The following LANCL3 variants were observed in gnomAD, a reference collection of about 807,000 sequenced individuals.
LANCL3 encodes the protein lanC-like protein 3.
A neutral mutation model predicts 26.5 loss-of-function variants in LANCL3; 19 were observed. That is an observed-to-expected ratio of 0.72 (90% CI 0.50 to 1.05). The LOEUF (loss-of-function observed/expected upper bound fraction) is 1.05. LANCL3 is among the 50% of genes least tolerant of loss of function. LANCL3 has a pLI of 0.00. For synonymous variants in LANCL3, 160 were observed against 166.6 expected (o/e 0.96, Z 0.30); for missense variants, 318 against 362.7 (o/e 0.88, Z 1.00).
chrX:37,632,547 G>C (rs1192514331), intron 1 of LANCL3, among the ~76,000 whole-genome samples: 4 of 111,493 alleles, frequency 3.6e-5, no homozygotes, highest in African/African-American at 6.6e-5. Flanking sequence ...TCTTCCTAGT[G>C]TCGATGGTCT....
Position 37,633,785 on chromosome X carries a change from T to A in LANCL3, c.574-21903T>A, listed in dbSNP as rs1032296238. On this transcript the variant is annotated intron_variant, in intron 1 of 4. Transcript: ENST00000378619. The stretch of plus-strand genomic sequence containing the variant: ...AAATGCTGCTGTCTGATCGTTCCTC[T>A]GGAAGTTTTGTCTCAGAGGCGTACC... Among the ~76,000 whole-genome samples the A allele has an allele frequency of 1.1e-3, 119 of 111,613 alleles. 1 individual carries two copies. The highest frequency in any genetic ancestry group is 3.6e-3 in the African/African-American group (109 of 30,670).
intron 1 of LANCL3, among the ~76,000 whole-genome samples, chrX:37,630,297 T>A (rs1380306970): frequency 8.9e-6 from 1 of 111,954 alleles, no homozygotes; most frequent in Non-Finnish European, 1.9e-5. Context: ...TGTACACTGA[T>A]TTTGTATCTT....
chrX:37,573,819 C>T (rs1332320262), intron 1 of LANCL3, among the ~76,000 whole-genome samples: 1 of 109,177 alleles, frequency 9.2e-6, no homozygotes, highest in Admixed American at 9.7e-5. Context: ...GGCCTTTTTT[C>T]CAGAATGGAA....
intron 1 of LANCL3, among the ~76,000 whole-genome samples, chrX:37,650,429 G>C (rs1926108298): frequency 1.0e-5 from 1 of 98,515 alleles, no homozygotes; most frequent in Admixed American, 1.2e-4. Flanking sequence ...TAGTATGGTA[G>C]GTAGGAAAAC....
intron 1 of LANCL3, among the ~76,000 whole-genome samples, chrX:37,628,544 C>A (rs1162048948): frequency 1.9e-5 from 2 of 103,624 alleles, no homozygotes; most frequent in African/African-American, 7.1e-5. Context: ...TGTGCTGCAC[C>A]CATTAACTCG....
chrX:37,592,572 A>G (rs1924317526), intron 1 of LANCL3, among the ~76,000 whole-genome samples: 1 of 112,231 alleles, frequency 8.9e-6, no homozygotes, highest in African/African-American at 3.2e-5. Flanking sequence ...GCAGGATATT[A>G]TTGAAAGGAC....
intron 1 of LANCL3, among the ~76,000 whole-genome samples, chrX:37,579,121 T>C: frequency 9.0e-6 from 1 of 111,264 alleles, no homozygotes; most frequent in Non-Finnish European, 1.9e-5. Flanking sequence ...CAGCTTGCTT[T>C]CTTGCTTAAT....
intron 1 of LANCL3, among the ~76,000 whole-genome samples, chrX:37,641,103 A>C (rs190176723): frequency 9.0e-6 from 1 of 111,542 alleles, no homozygotes; most frequent in East Asian, 2.8e-4. Flanking sequence ...GGTTAAAATT[A>C]TTAAAAGAAG....
chrX:37,638,715 A>G (rs1315131668), intron 1 of LANCL3, among the ~76,000 whole-genome samples: 1 of 111,678 alleles, frequency 9.0e-6, no homozygotes, highest in African/African-American at 3.3e-5. Flanking sequence ...CATTTCATAC[A>G]TCTATTAACC....
chrX:37,644,891 T>A (rs1925950366), intron 1 of LANCL3, among the ~76,000 whole-genome samples: 1 of 112,094 alleles, frequency 8.9e-6, no homozygotes, highest in Admixed American at 9.5e-5. Flanking sequence ...CAGTGTCGGG[T>A]GTGGACAGGG....
At chrX:37,590,223 G>T (rs113030484) in intron 1 of LANCL3, among the ~76,000 whole-genome samples, 2,083 of 112,227 alleles carry the variant, frequency 0.019, 66 homozygotes, top group African/African-American at 0.064. Context: ...TTAAGTTCTC[G>T]TCTTTGTTTC....
intron 1 of LANCL3, among the ~76,000 whole-genome samples, chrX:37,589,398 G>T (rs1602097223): frequency 9.0e-6 from 1 of 111,166 alleles, no homozygotes; most frequent in African/African-American, 3.3e-5. Context: ...TACCTCATAG[G>T]TGTGCTAGGA....
intron 1 of LANCL3, among the ~76,000 whole-genome samples, chrX:37,610,798 C>T (rs990675936): frequency 1.8e-5 from 2 of 112,451 alleles, no homozygotes; most frequent in African/African-American, 6.5e-5. Context: ...GAGAGATTCA[C>T]CAAGATTAGA....
chrX:37,589,999 G>T (rs1227098534), intron 1 of LANCL3, among the ~76,000 whole-genome samples: 2 of 112,527 alleles, frequency 1.8e-5, no homozygotes, highest in Non-Finnish European at 1.9e-5. Flanking sequence ...CCAGGGAAAG[G>T]ACTCTTTTCT....
intron 1 of LANCL3, among the ~76,000 whole-genome samples, chrX:37,600,040 C>A (rs987481018): frequency 9.8e-5 from 11 of 111,699 alleles, no homozygotes; most frequent in Non-Finnish European, 1.9e-4. Context: ...TTCCCAGAAA[C>A]AAATATTGTT....
At chrX:37,611,856 T>A (rs1924880061) in intron 1 of LANCL3, among the ~76,000 whole-genome samples, 1 of 112,456 alleles carries the variant, frequency 8.9e-6, no homozygotes, top group South Asian at 3.7e-4. Context: ...TTAGGTGACA[T>A]AGAATGTGAA....
At position 37,667,321 on chromosome X, in the gene LANCL3, A is replaced by G. The variant is rs201965680; in HGVS notation, c.935A>G (p.Lys312Arg). ...TTTGCCAAAGCTTATCTGGTTTCCA[A>G]GAAACCGCAGTACCTGGACACATGT... ...YLFAKAYLVS[K>R]KPQYLDTCIR... Residue 312 changes from lysine to arginine, a missense_variant, in exon 4 of 5, where the codon AAG (lysine) becomes AGG (arginine). Lys to Arg is a conservative substitution (Grantham distance 26, BLOSUM62 2). Coordinates refer to ENST00000378619, the MANE Select transcript of LANCL3 (RefSeq NM_001170331.2). 8.7e-7 allele frequency: 1 copy of G among 1,146,680 alleles called. No individual in the cohort carries two copies. The highest frequency in any genetic ancestry group is 1.2e-6 in the Non-Finnish European group (1 of 865,437). The allele number at this position is 1,146,680 out of a possible 1,213,427, so 94.5% of individuals were successfully genotyped here. A position where few individuals can be genotyped will look rare whatever the true frequency, so the allele number is the denominator to read the frequency against.
At chrX:37,593,089 C>A (rs1412137389) in intron 1 of LANCL3, among the ~76,000 whole-genome samples, 3 of 111,596 alleles carry the variant, frequency 2.7e-5, no homozygotes, top group African/African-American at 9.8e-5. Context: ...ATATCTTTAG[C>A]TATGCAAGGT....
At chrX:37,632,257 C>G (rs1925543842) in intron 1 of LANCL3, among the ~76,000 whole-genome samples, 1 of 111,712 alleles carries the variant, frequency 9.0e-6, no homozygotes. Flanking sequence ...TGTGTTTTAT[C>G]AGAGACTAGG....
Sources: allele counts gnomAD v4.1 joint callset (sites outside exome capture counted in the v4.1 genomes callset), GRCh38; gene constraint gnomAD v4.1.1; transcripts MANE v1.5; gene names NCBI Gene and HGNC (gene_info 2026-07-23, HGNC 2026-07-21).